Variants in VGLL4 observed in about 807,000 individuals in gnomAD.
VGLL4 encodes transcription cofactor vestigial-like protein 4.
A neutral mutation model predicts 21.0 loss-of-function variants in VGLL4; 7 were observed. The observed-to-expected ratio is 0.33, with a 90% confidence interval of 0.19 to 0.63. The LOEUF is 0.63. Ranked by LOEUF, VGLL4 falls within the 20% of genes least tolerant of loss-of-function variation. The pLI is 0.78. For synonymous variants in VGLL4, 222 were observed against 173.2 expected (o/e 1.28, Z -2.21); for missense variants, 394 against 425.7 (o/e 0.93, Z 0.66).
At chr3:11,564,705 C>CCTCCCTCCCTCACCACCG in intron 3 of VGLL4, 92 bp downstream of exon 3, 1 of 1,443,220 alleles carries the variant, frequency 6.9e-7, no homozygotes, top group Non-Finnish European at 9.3e-7. Context: ...TCCCTCACCA[C>CCTCCCTCCCTCACCACCG]CGCCCTCGGA....
chr3:11,601,095 G>A (rs184762980), intron 2 of VGLL4, among the ~76,000 whole-genome samples: 55 of 152,310 alleles, frequency 3.6e-4, no homozygotes, highest in South Asian at 6.2e-4. Flanking sequence ...GGGAGAAGCC[G>A]GGTGCACGGA....
chr3:11,558,454 T>TCCC lies in VGLL4; in HGVS notation c.*99_*101dup. The TCCC allele has an allele frequency of 1.9e-6, 2 of 1,064,152 alleles. No individual in the cohort carries two copies. The highest frequency in any genetic ancestry group is 2.6e-6 in the Non-Finnish European group (2 of 775,576). The allele number at this position is 1,064,152 out of a possible 1,614,324, so 65.9% of individuals were successfully genotyped here. A position where few individuals can be genotyped will look rare whatever the true frequency, so the allele number is the denominator to read the frequency against. On this transcript the variant is annotated 3_prime_UTR_variant, in exon 5 of 5. Transcript: ENST00000430365. Reference sequence around the variant, plus strand: ...TTTGCAAATAAACCATCCCTTCCCTTCCCCCCACCCCACCCCCATGATTTT... The same window carrying TCCC: ...TTTGCAAATAAACCATCCCTTCCCTTCCCCCCCCCACCCCACCCCCATGATTTT...
intron 1 of VGLL4, among the ~76,000 whole-genome samples, chr3:11,620,315 G>A (rs2125299236): frequency 6.6e-6 from 1 of 152,260 alleles, no homozygotes; most frequent in East Asian, 1.9e-4. Context: ...GTTTCACAGA[G>A]CAGATGGTGA....
intron 1 of VGLL4, among the ~76,000 whole-genome samples, chr3:11,615,268 T>C (rs946066513): frequency 3.3e-5 from 5 of 152,238 alleles, no homozygotes; most frequent in African/African-American, 1.2e-4. Context: ...GGTCATATGC[T>C]GCTCAGTGAA....
intron 2 of VGLL4, among the ~76,000 whole-genome samples, chr3:11,685,023 CCT>C (rs948159517): frequency 2.6e-5 from 4 of 152,040 alleles, no homozygotes; most frequent in Admixed American, 6.6e-5. Flanking sequence ...CTGTTATTCC[CCT>C]CTTTGTGTCA....
intron 2 of VGLL4, chr3:11,671,272 A>G (rs1263659007): frequency 1.9e-6 from 3 of 1,597,810 alleles, no homozygotes; most frequent in Non-Finnish European, 2.5e-6. Flanking sequence ...CATGGTGCAG[A>G]CCTGGATGTC....
At chr3:11,559,082 CAGT>C (rs1374647523) in intron 4 of VGLL4, among the ~76,000 whole-genome samples, 1 of 152,256 alleles carries the variant, frequency 6.6e-6, no homozygotes, top group East Asian at 1.9e-4. Context: ...ATTTAAATAA[CAGT>C]AGCCGCTGCC....
At chr3:11,709,166 A>T (rs896225544) in intron 1 of VGLL4, among the ~76,000 whole-genome samples, 1 of 151,286 alleles carries the variant, frequency 6.6e-6, no homozygotes, top group Non-Finnish European at 1.5e-5. Context: ...GGCCAGGTGC[A>T]GTGGCTCATG....
intron 2 of VGLL4, among the ~76,000 whole-genome samples, chr3:11,587,818 G>GA (rs1352194523): frequency 5.3e-5 from 8 of 151,048 alleles, no homozygotes; most frequent in Admixed American, 3.9e-4. Flanking sequence ...ACAGAGGAGT[G>GA]AAAAAAATCA....
At chr3:11,589,395 A>G (rs2074432696) in intron 2 of VGLL4, among the ~76,000 whole-genome samples, 1 of 152,178 alleles carries the variant, frequency 6.6e-6, no homozygotes, top group Non-Finnish European at 1.5e-5. Context: ...CCAAGCATTA[A>G]AGATGGCACC....
intron 2 of VGLL4, among the ~76,000 whole-genome samples, chr3:11,667,546 C>T (rs11915388): frequency 0.025 from 3,768 of 152,232 alleles, 155 homozygotes; most frequent in African/African-American, 0.083. Context: ...CATTTAGGAC[C>T]TATTGGATTT....
chr3:11,665,199 C>A (rs1466873627), intron 2 of VGLL4, among the ~76,000 whole-genome samples: 1 of 147,812 alleles, frequency 6.8e-6, no homozygotes, highest in Admixed American at 6.8e-5. Flanking sequence ...CTGCAAGCTC[C>A]GCCTCCTGGG....
chr3:11,558,061 C>T lies in VGLL4; in HGVS notation c.*495G>A, dbSNP rs1026241112. ...CATAAAGTTGTCAGGCAACTTTAGTCCTCCTCCAATAGTGCAAATCAGACA... is the reference window on the plus strand; with the variant it reads ...CATAAAGTTGTCAGGCAACTTTAGTTCTCCTCCAATAGTGCAAATCAGACA... On this transcript the variant is annotated 3_prime_UTR_variant, in exon 5 of 5. Coordinates refer to ENST00000430365, the MANE Select transcript of VGLL4 (RefSeq NM_001128219.3). 9 of 159,624 alleles carry T rather than the reference C, an allele frequency of 5.6e-5. No homozygotes were observed. Among genetic ancestry groups the T allele is most frequent in the Non-Finnish European group, 9.7e-5 (7 of 72,396 alleles). The allele number at this position is 159,624 out of a possible 1,614,324, so 9.9% of individuals were successfully genotyped here.
At chr3:11,695,087 G>A (rs2076585419) in intron 2 of VGLL4, among the ~76,000 whole-genome samples, 1 of 138,880 alleles carries the variant, frequency 7.2e-6, no homozygotes. Flanking sequence ...GTCTCACTCT[G>A]TTGCCCAGGC....
intron 2 of VGLL4, among the ~76,000 whole-genome samples, chr3:11,596,339 C>G (rs2074639756): frequency 1.3e-5 from 2 of 152,218 alleles, no homozygotes; most frequent in African/African-American, 4.8e-5. Context: ...CATCCTGTGA[C>G]TATTATACCC....
At chr3:11,559,262 C>G in intron 4 of VGLL4, 70 bp downstream of exon 4, 1 of 1,463,850 alleles carries the variant, frequency 6.8e-7, no homozygotes, top group South Asian at 1.4e-5. Context: ...TTTCAGCCAA[C>G]AGCATGACAG....
At chr3:11,574,043 G>C (rs1270719129) in intron 2 of VGLL4, among the ~76,000 whole-genome samples, 2 of 152,172 alleles carry the variant, frequency 1.3e-5, no homozygotes. Flanking sequence ...CTGAGAGAAA[G>C]GCCTGCACAG....
At chr3:11,664,161 C>T (rs2076075858) in intron 2 of VGLL4, among the ~76,000 whole-genome samples, 1 of 152,092 alleles carries the variant, frequency 6.6e-6, no homozygotes, top group Non-Finnish European at 1.5e-5. Context: ...TAGCTTGAAC[C>T]CGGGAGGCGG....
intron 2 of VGLL4, among the ~76,000 whole-genome samples, chr3:11,591,641 A>C (rs989273700): frequency 1.3e-5 from 2 of 152,236 alleles, no homozygotes; most frequent in African/African-American, 4.8e-5. Flanking sequence ...CCTGACAAAC[A>C]AGAAACCCAC....
Sources: allele counts gnomAD v4.1 joint callset (sites outside exome capture counted in the v4.1 genomes callset), GRCh38; gene constraint gnomAD v4.1.1; transcripts MANE v1.5; gene names NCBI Gene and HGNC (gene_info 2026-07-23, HGNC 2026-07-21).